Variants in STEAP2 observed in about 807,000 individuals in gnomAD.
STEAP2 encodes the protein metalloreductase STEAP2.
In STEAP2, 30 loss-of-function variants were observed where a neutral mutation model predicts 46.4. The ratio of observed to expected loss-of-function variants is 0.65; its 90% CI spans 0.48 to 0.88. The LOEUF (loss-of-function observed/expected upper bound fraction) is 0.88, where lower values mean the gene tolerates loss of function less well. Ranked by LOEUF, STEAP2 falls within the 40% of genes least tolerant of loss-of-function variation. The pLI is 0.00. For missense variants in STEAP2, 513 were observed against 579.3 expected (o/e 0.89, Z 1.18); for synonymous variants, 180 against 200.5 (o/e 0.90, Z 0.86).
At chr7:90,221,281 T>G (rs979869766) in intron 2 of STEAP2, among the ~76,000 whole-genome samples, 46 of 152,192 alleles carry the variant, frequency 3.0e-4, no homozygotes, top group Admixed American at 3.0e-3. Flanking sequence ...AACACTTTAT[T>G]TATATTAATA....
At chr7:90,218,071 TG>T (rs1795102850) in intron 2 of STEAP2, among the ~76,000 whole-genome samples, 3 of 152,196 alleles carry the variant, frequency 2.0e-5, no homozygotes, top group African/African-American at 7.2e-5. Flanking sequence ...TTGTCTTCTT[TG>T]GAAAAATGTC....
intron 3 of STEAP2, among the ~76,000 whole-genome samples, chr7:90,225,938 A>G (rs530916488): frequency 1.3e-5 from 2 of 152,312 alleles, no homozygotes; most frequent in African/African-American, 4.8e-5. Context: ...AAACACTTTT[A>G]TTGTTTTTGT....
chr7:90,224,656 G>T (rs1330267949), intron 2 of STEAP2, among the ~76,000 whole-genome samples: 1 of 152,168 alleles, frequency 6.6e-6, no homozygotes, highest in Non-Finnish European at 1.5e-5. Flanking sequence ...GTGCCTTGCT[G>T]CTCAAAGAGG....
chr7:90,220,071 A>G (rs1478877585), intron 2 of STEAP2, among the ~76,000 whole-genome samples: 2 of 152,168 alleles, frequency 1.3e-5, no homozygotes, highest in Non-Finnish European at 2.9e-5. Flanking sequence ...ATCTGTGCTC[A>G]TCAGGAATAA....
At chr7:90,212,198 C>T (rs537417896) in intron 1 of STEAP2, 153 bp downstream of exon 1, 1 of 152,410 alleles carries the variant, frequency 6.6e-6, no homozygotes, top group Non-Finnish European at 1.5e-5. Context: ...TCTCCTGGCA[C>T]CTTAAGGTGG....
At chr7:90,226,577 AT>A (rs1371818651) in intron 3 of STEAP2, among the ~76,000 whole-genome samples, 1 of 152,180 alleles carries the variant, frequency 6.6e-6, no homozygotes, top group African/African-American at 2.4e-5. Context: ...AGAGTGTTAT[AT>A]TGTCACCATT....
At position 90,234,883 on chromosome 7, in the gene STEAP2, A is replaced by G. The variant is rs1392818008; in HGVS notation, c.*2259A>G. ...CTTGTACTTTCTAACTGAGCCCTCT[A>G]TTTTCTTTATTTTAATAATATTTCT... On this transcript the variant is annotated 3_prime_UTR_variant, in exon 6 of 6. Coordinates refer to ENST00000394621, the MANE Select transcript of STEAP2 (RefSeq NM_001244944.2). 1.0e-6 allele frequency: 1 copy of G among 984,644 alleles called. No homozygotes were observed. Among genetic ancestry groups the G allele is most frequent in the Non-Finnish European group, 1.2e-6 (1 of 829,730 alleles). 61.0% of individuals were successfully genotyped at this position (984,644 alleles called of 1,614,324 possible).
In STEAP2 at chr7:90,236,484, T is replaced by G; in HGVS notation, c.*3860T>G. 1.0e-6 allele frequency: 1 copy of G among 1,000,796 alleles called. No homozygotes were observed. The highest frequency in any genetic ancestry group is 1.2e-6 in the Non-Finnish European group (1 of 839,824). 62.0% of individuals were successfully genotyped at this position (1,000,796 alleles called of 1,614,324 possible). ...CACCCTACCTTCAATTGTTCATCAG[T>G]GGGTAAAACAAATTCTGATGTACAT... On this transcript the variant is annotated 3_prime_UTR_variant, in exon 6 of 6. Transcript: ENST00000394621.
chr7:90,218,456 CA>C (rs937828690), intron 2 of STEAP2, among the ~76,000 whole-genome samples: 2 of 152,132 alleles, frequency 1.3e-5, no homozygotes, highest in African/African-American at 4.8e-5. Context: ...TGGTGAGGGA[CA>C]GGGGTCCAGT....
At chr7:90,229,813 G>C (rs1795662773) in intron 4 of STEAP2, 59 bp from the exon 5 acceptor site, 1 of 1,578,834 alleles carries the variant, frequency 6.3e-7, no homozygotes, top group South Asian at 1.2e-5. Flanking sequence ...AGTGAACTCT[G>C]TGCTGAATCA....
At position 90,234,860 on chromosome 7, in the gene STEAP2, T is replaced by C; in HGVS notation, c.*2236T>C. 5 of 985,192 alleles carry C rather than the reference T, an allele frequency of 5.1e-6. No homozygotes were observed. Among genetic ancestry groups the C allele is most frequent in the Non-Finnish European group, 6.0e-6 (5 of 829,782 alleles). The allele number at this position is 985,192 out of a possible 1,614,324, so 61.0% of individuals were successfully genotyped here. A position where few individuals can be genotyped will look rare whatever the true frequency, so the allele number is the denominator to read the frequency against. On this transcript the variant is annotated 3_prime_UTR_variant, in exon 6 of 6. Transcript: ENST00000394621. ...AGCTACCGCGCCCGGCCTATTATCT[T>C]GTACTTTCTAACTGAGCCCTCTATT...
At position 90,234,364 on chromosome 7, in the gene STEAP2, A is replaced by T. The variant is rs1409509006; in HGVS notation, c.*1740A>T. On this transcript the variant is annotated 3_prime_UTR_variant, in exon 6 of 6. Transcript: ENST00000394621. ...TATGCGTTCCTCTTCCTGAAATTAT[A>T]ACATTTCTAAACTTACCCACGTAGG... 7.1e-6 allele frequency: 7 copies of T among 985,214 alleles called. No individual in the cohort carries two copies. Among genetic ancestry groups the T allele is most frequent in the Non-Finnish European group, 8.4e-6 (7 of 829,904 alleles). The allele number at this position is 985,214 out of a possible 1,614,324, so 61.0% of individuals were successfully genotyped here.
intron 2 of STEAP2, among the ~76,000 whole-genome samples, chr7:90,217,535 T>A (rs541054927): frequency 6.6e-6 from 1 of 152,262 alleles, no homozygotes; most frequent in South Asian, 2.1e-4. Flanking sequence ...GCCTGGGTTA[T>A]TTCACTTAAC....
At position 90,225,349 on chromosome 7, in the gene STEAP2, A is replaced by G; in HGVS notation, c.267A>G (p.Ile89Met). 6.2e-7 allele frequency: 1 copy of G among 1,613,920 alleles called. No homozygotes were observed. The highest frequency in any genetic ancestry group is 1.7e-5 in the Admixed American group (1 of 59,978). The change falls in exon 3 of 6, where the codon ATA becomes ATG. Residue 89 changes from isoleucine (I) to methionine (M), a missense_variant. Ile to Met is a conservative substitution (Grantham distance 10, BLOSUM62 1). Transcript: ENST00000394621. ...HEDALTKTNI[I>M]FVAIHREHYT... ...ATGCTCTCACAAAAACAAATATAAT[A>G]TTTGTTGCTATACACAGAGAACATT...
At position 90,229,994 on chromosome 7, in the gene STEAP2, A is replaced by G. The variant is rs755813519; in HGVS notation, c.1143A>G (p.Ser381=). ...TCCTGGCAGTCACTTCTATCCCTTCAGTGAGCAATGCTTTAAACTGGAGAG... is the reference window on the plus strand; with the variant it reads ...TCCTGGCAGTCACTTCTATCCCTTCGGTGAGCAATGCTTTAAACTGGAGAG... The part of the protein sequence containing the change: ...LSLLAVTSIP[S]VSNALNWREF... The change falls in exon 5 of 6, where the codon TCA becomes TCG. Residue 381 remains serine (S), a synonymous_variant. Coordinates refer to ENST00000394621, the MANE Select transcript of STEAP2 (RefSeq NM_001244944.2). 6.2e-7 allele frequency: 1 copy of G among 1,613,398 alleles called. No homozygotes were observed. The highest frequency in any genetic ancestry group is 1.1e-5 in the South Asian group (1 of 91,020).
At chr7:90,226,921 A>G (rs969938531) in intron 3 of STEAP2, 50 bp from the exon 4 acceptor site, 4 of 1,520,880 alleles carry the variant, frequency 2.6e-6, no homozygotes, top group African/African-American at 1.4e-5. Flanking sequence ...GATTGCTACC[A>G]TTTTTATAAA....
At position 90,232,318 on chromosome 7, in the gene STEAP2, C is replaced by T; in HGVS notation, c.1186-19C>T. The T allele has an allele frequency of 2.2e-5, 34 of 1,522,394 alleles. No homozygotes were observed. The highest frequency in any genetic ancestry group is 6.7e-5 in the South Asian group (5 of 75,072). 94.3% of individuals were successfully genotyped at this position (1,522,394 alleles called of 1,614,324 possible). ...TGTTTCTTATTCTTTGTTTCTTTTC[C>T]TTCCTCTCCTGGCCCAAGTCTACAC... On this transcript the variant is annotated intron_variant, in intron 5 of 5. Coordinates refer to ENST00000394621, the MANE Select transcript of STEAP2 (RefSeq NM_001244944.2).
chr7:90,229,769 C>G, intron 4 of STEAP2, 103 bp from the exon 5 acceptor site: 1 of 1,485,066 alleles, frequency 6.7e-7, no homozygotes, highest in Non-Finnish European at 8.9e-7. Flanking sequence ...AACTTAAATA[C>G]GTCCATATAT....
Position 90,232,593 on chromosome 7 carries a change from A to G in STEAP2, c.1442A>G (p.His481Arg). 2 of 1,612,332 alleles carry G rather than the reference A, an allele frequency of 1.2e-6. No homozygotes were observed. The highest frequency in any genetic ancestry group is 1.3e-5 in the African/African-American group (1 of 74,976). ...GAAGGTATGGGAGGAACAATTCCTCATGTCTCCCCGGAGAGGGTCACAGTA... is the reference window on the plus strand; with the variant it reads ...GAAGGTATGGGAGGAACAATTCCTCGTGTCTCCCCGGAGAGGGTCACAGTA... ...LEEGMGGTIP[H>R]VSPERVTVM The change falls in exon 6 of 6, where the codon CAT becomes CGT. Residue 481 changes from histidine to arginine, a missense_variant. Coordinates refer to ENST00000394621, the MANE Select transcript of STEAP2 (RefSeq NM_001244944.2).
Sources: gnomAD v4.1 joint callset for allele counts (sites outside exome capture counted in the v4.1 genomes callset) on GRCh38, gnomAD v4.1.1 for gene constraint, MANE v1.5 for transcripts, NCBI Gene and HGNC (gene_info 2026-07-23, HGNC 2026-07-21) for gene names.